Variants in RNF111 observed in about 807,000 individuals in gnomAD.
RNF111 encodes the protein ring finger protein 111, also known as E3 ubiquitin-protein ligase Arkadia.
Under a neutral mutation model 95.1 loss-of-function variants are expected in RNF111, and 17 were observed. The observed-to-expected ratio is 0.18, with a 90% CI of 0.12 to 0.27. The LOEUF (loss-of-function observed/expected upper bound fraction) is 0.27. Among genes scored for constraint, RNF111 ranks in the 10% least tolerant of loss-of-function variants. RNF111 has a pLI of 1.00. For synonymous variants in RNF111, 440 were observed against 414.8 expected (o/e 1.06, Z -0.74); for missense variants, 1,189 against 1,210.4 (o/e 0.98, Z 0.26).
At chr15:59,093,258 GGTCC>G (rs573279236) in intron 13 of RNF111, 5 of 319,584 alleles carry the variant, frequency 1.6e-5, no homozygotes, top group South Asian at 1.2e-4. Context: ...AGGCTTTGGA[GGTCC>G]TAGAAAGTTA....
chr15:59,038,555 A>T (rs1464726752), intron 2 of RNF111, among the ~76,000 whole-genome samples: 1 of 152,198 alleles, frequency 6.6e-6, no homozygotes. Flanking sequence ...GAAATATGCA[A>T]TGAACTCCCA....
chr15:59,079,655 CTTT>C (rs36057944), intron 7 of RNF111, among the ~76,000 whole-genome samples: 4 of 145,814 alleles, frequency 2.7e-5, no homozygotes, highest in Non-Finnish European at 1.5e-5. Flanking sequence ...CTAAGACAAA[CTTT>C]TTTTTTTTTT....
At chr15:59,072,011 TC>T (rs1257222075) in intron 6 of RNF111, among the ~76,000 whole-genome samples, 2 of 152,232 alleles carry the variant, frequency 1.3e-5, no homozygotes, top group Non-Finnish European at 2.9e-5. Flanking sequence ...TAAAAATACT[TC>T]AGTTTAAAAA....
rs147291661 is a variant in RNF111, at chr15:59,061,498, C to T, written c.1366+2948C>T. Among the ~76,000 whole-genome samples, 15 of 152,308 alleles carry T rather than the reference C, an allele frequency of 9.8e-5. No individual in the cohort carries two copies. The East Asian group carries it at 2.7e-3, about 27-fold the overall frequency. On this transcript the variant is annotated intron_variant, in intron 5 of 13. Coordinates refer to ENST00000348370, the MANE Select transcript of RNF111 (RefSeq NM_017610.8). ...TATTTCAAAACACTCTCCTTTTCCTCAAGGTTTTCATTCCCCAGGGGAAAT... is the reference window on the plus strand; with the variant it reads ...TATTTCAAAACACTCTCCTTTTCCTTAAGGTTTTCATTCCCCAGGGGAAAT...
intron 5 of RNF111, among the ~76,000 whole-genome samples, chr15:59,060,576 A>G (rs1184233688): frequency 6.6e-6 from 1 of 152,222 alleles, no homozygotes; most frequent in Non-Finnish European, 1.5e-5. Flanking sequence ...TTGAGGCTAC[A>G]GTGATCCTCG....
At chr15:59,011,989 TTTTG>T (rs1187531929) in intron 1 of RNF111, among the ~76,000 whole-genome samples, 7 of 150,236 alleles carry the variant, frequency 4.7e-5, no homozygotes, top group African/African-American at 1.2e-4. Context: ...TAGTGTTCTT[TTTTG>T]TTTGTTTGCC....
chr15:59,000,136 C>T (rs1485510520), intron 1 of RNF111, among the ~76,000 whole-genome samples: 1 of 149,794 alleles, frequency 6.7e-6, no homozygotes, highest in African/African-American at 2.5e-5. Context: ...AAAGCTTTTT[C>T]AGATCTTCCA....
Position 59,055,731 on chromosome 15 carries a change from A to G in RNF111, c.1057A>G (p.Ser353Gly), listed in dbSNP as rs571692114. ...HSRSHWSQGSSSHASRPQEPR... is the reference protein window; with the variant it reads ...HSRSHWSQGSGSHASRPQEPR... ...CAGATCTCATTGGAGCCAGGGTTCC[A>G]GTTCTCATGCAAGTCGGCCACAGGA... The change falls in exon 4 of 14, where the codon AGT becomes GGT. Residue 353 changes from serine to glycine, a missense_variant. Ser to Gly is a moderately conservative substitution (Grantham distance 56). This residue lies in a region of RNF111 where 1,024 missense variants were observed against 925.9 expected (regional missense o/e 1.11). Transcript: ENST00000348370. 7 of 1,613,938 alleles carry G rather than the reference A, an allele frequency of 4.3e-6. No homozygotes were observed. In the African/African-American group the frequency reaches 8.0e-5, roughly 18 times the overall value.
intron 4 of RNF111, among the ~76,000 whole-genome samples, chr15:59,056,478 G>A (rs1408349188): frequency 5.3e-5 from 8 of 152,134 alleles, no homozygotes; most frequent in African/African-American, 1.9e-4. Context: ...TATATCTTAG[G>A]AAATGGTCAC....
chr15:59,016,973 G>A (rs780048030), intron 1 of RNF111, among the ~76,000 whole-genome samples: 24 of 151,778 alleles, frequency 1.6e-4, no homozygotes, highest in Non-Finnish European at 3.2e-4. Flanking sequence ...CTGATGATCT[G>A]TCACTGTCTC....
At chr15:59,026,882 A>G (rs151136272) in intron 1 of RNF111, among the ~76,000 whole-genome samples, 214 of 152,260 alleles carry the variant, frequency 1.4e-3, no homozygotes, top group African/African-American at 4.5e-3. Flanking sequence ...TAACTGGTGT[A>G]CAAACACACA....
intron 6 of RNF111, among the ~76,000 whole-genome samples, chr15:59,071,811 A>G (rs1242193666): frequency 6.6e-6 from 1 of 152,194 alleles, no homozygotes; most frequent in Admixed American, 6.5e-5. Context: ...TATTCCTAAT[A>G]CAAGCATACC....
At chr15:59,006,248 T>A (rs570554939) in intron 1 of RNF111, among the ~76,000 whole-genome samples, 2 of 152,252 alleles carry the variant, frequency 1.3e-5, no homozygotes, top group Non-Finnish European at 2.9e-5. Flanking sequence ...ACACGTTTTA[T>A]GTATAGTTGG....
intron 6 of RNF111, among the ~76,000 whole-genome samples, chr15:59,067,676 G>A (rs1377656148): frequency 1.3e-5 from 2 of 152,116 alleles, no homozygotes; most frequent in African/African-American, 4.8e-5. Context: ...TTTTAAAAAG[G>A]CTTTTGATGT....
At position 59,096,431 on chromosome 15, in the gene RNF111, C is replaced by G. The variant is rs1289140457; in HGVS notation, c.*1531C>G. On this transcript the variant is annotated 3_prime_UTR_variant, in exon 14 of 14. Coordinates refer to ENST00000348370, the MANE Select transcript of RNF111 (RefSeq NM_017610.8). ...AATAAATAACTTATATTTCTATTGT[C>G]TTTGTGTTTCATAATTAGTTTTTAT... is the stretch of plus-strand genomic sequence containing the variant. 1 of 194,730 alleles carries G rather than the reference C, an allele frequency of 5.1e-6. No individual in the cohort carries two copies. The highest frequency in any genetic ancestry group is 1.0e-5 in the Non-Finnish European group (1 of 96,728). The allele number at this position is 194,730 out of a possible 1,614,324, so 12.1% of individuals were successfully genotyped here.
chr15:58,994,508 C>T (rs1246375790), intron 1 of RNF111, among the ~76,000 whole-genome samples: 3 of 121,880 alleles, frequency 2.5e-5, no homozygotes, highest in Non-Finnish European at 4.8e-5. Flanking sequence ...GGTGGAGTCT[C>T]GCTGTGTTGC....
At chr15:59,010,037 T>C (rs1432092335) in intron 1 of RNF111, among the ~76,000 whole-genome samples, 5 of 152,212 alleles carry the variant, frequency 3.3e-5, no homozygotes, top group Admixed American at 3.3e-4. Flanking sequence ...ATTCAGTTTA[T>C]ATGCAATTTT....
At chr15:59,040,866 T>A (rs1384415215) in intron 2 of RNF111, among the ~76,000 whole-genome samples, 1 of 152,246 alleles carries the variant, frequency 6.6e-6, no homozygotes, top group Non-Finnish European at 1.5e-5. Context: ...TTTTTAAAGA[T>A]ATTTTTAAAA....
At chr15:59,030,583 T>TCTA (rs2040854721) in intron 1 of RNF111, among the ~76,000 whole-genome samples, 1 of 152,192 alleles carries the variant, frequency 6.6e-6, no homozygotes. Context: ...ATGCTCTATA[T>TCTA]CTACTGTATT....
Sources: gnomAD v4.1 joint callset for allele counts (sites outside exome capture counted in the v4.1 genomes callset) on GRCh38, gnomAD v4.1.1 for gene constraint, gnomAD v4.1.1 regional missense constraint, MANE v1.5 for transcripts, NCBI Gene and HGNC (gene_info 2026-07-23, HGNC 2026-07-21) for gene names.